COLGALT2: variants seen among roughly 807,000 people sequenced by gnomAD.
The protein encoded by COLGALT2 is collagen beta(1-O)galactosyltransferase 2, also known as procollagen galactosyltransferase 2.
In COLGALT2, 49 loss-of-function variants were observed where a neutral mutation model predicts 73.4. The ratio of observed to expected loss-of-function variants is 0.67; its 90% CI spans 0.53 to 0.85. COLGALT2 has a LOEUF of 0.85. Among genes scored for constraint, COLGALT2 ranks in the 40% least tolerant of loss-of-function variants. The pLI is 0.00. For synonymous variants in COLGALT2, 295 were observed against 307.6 expected (o/e 0.96, Z 0.43); for missense variants, 722 against 790.2 (o/e 0.91, Z 1.03).
At chr1:184,030,450 C>T (rs1649477260) in intron 1 of COLGALT2, among the ~76,000 whole-genome samples, 1 of 152,152 alleles carries the variant, frequency 6.6e-6, no homozygotes, top group Non-Finnish European at 1.5e-5. Flanking sequence ...AAGAAATATG[C>T]AGAAACAAGC....
In COLGALT2 at chr1:184,037,120, A is replaced by G; in HGVS notation, c.238T>C (p.Tyr80His). 1.3e-6 allele frequency: 2 copies of G among 1,595,560 alleles called. No individual in the cohort carries two copies. Among genetic ancestry groups the G allele is most frequent in the Non-Finnish European group, 1.7e-6 (2 of 1,173,234 alleles). The change falls in exon 1 of 12, where the codon TAC becomes CAC. Residue 80 changes from tyrosine to histidine, a missense_variant. Physicochemically the swap from Tyr to His is moderately conservative, Grantham distance 83. Coordinates refer to ENST00000361927, the MANE Select transcript of COLGALT2 (RefSeq NM_015101.4). ...HFLGCLERLD[Y>H]PKSRMAIWAA... ...CAGATGGCCATCCTGCTCTTGGGGT[A>G]GTCCAGCCGCTCCAGGCAGCCGAGG... is the stretch of plus-strand genomic sequence containing the variant.
intron 1 of COLGALT2, among the ~76,000 whole-genome samples, chr1:183,993,600 G>C (rs1334149141): frequency 6.6e-6 from 1 of 152,138 alleles, no homozygotes; most frequent in Non-Finnish European, 1.5e-5. Context: ...CCAAAGGGCA[G>C]CTCTGAACAC....
intron 1 of COLGALT2, among the ~76,000 whole-genome samples, chr1:184,020,989 A>G (rs1353933687): frequency 1.3e-5 from 2 of 152,072 alleles, no homozygotes; most frequent in Non-Finnish European, 2.9e-5. Context: ...AGCAATCCAT[A>G]GCAGAAACTG....
chr1:183,978,629 A>AG, intron 1 of COLGALT2, 109 bp from the exon 2 acceptor site: 1 of 598,604 alleles, frequency 1.7e-6, no homozygotes, highest in Non-Finnish European at 2.9e-6. Flanking sequence ...CCTGGAAAAA[A>AG]AATTGTATAT....
chr1:183,991,486 C>A (rs1184504280), intron 1 of COLGALT2, among the ~76,000 whole-genome samples: 5 of 152,206 alleles, frequency 3.3e-5, no homozygotes, highest in Non-Finnish European at 7.4e-5. Context: ...CAGAGTATCC[C>A]AGAATGACAA....
downstream of COLGALT2, among the ~76,000 whole-genome samples, chr1:183,933,235 C>T (rs919213413): frequency 1.3e-5 from 2 of 152,178 alleles, no homozygotes; most frequent in African/African-American, 4.8e-5. Context: ...TCACTGTCTC[C>T]AGCGATGGGC....
intron 1 of COLGALT2, among the ~76,000 whole-genome samples, chr1:184,017,859 C>T (rs1225702235): frequency 2.0e-5 from 3 of 152,110 alleles, no homozygotes; most frequent in Admixed American, 1.3e-4. Flanking sequence ...TCAGTTTCCC[C>T]TTAGTGAGAT....
intron 1 of COLGALT2, among the ~76,000 whole-genome samples, chr1:183,990,404 T>TA (rs1404139560): frequency 6.6e-6 from 1 of 152,224 alleles, no homozygotes; most frequent in Non-Finnish European, 1.5e-5. Context: ...TCTGTGCCGG[T>TA]GATCGTGGCA....
At chr1:183,989,009 C>A (rs1671562748) in intron 1 of COLGALT2, among the ~76,000 whole-genome samples, 1 of 152,174 alleles carries the variant, frequency 6.6e-6, no homozygotes, top group Non-Finnish European at 1.5e-5. Context: ...TTATTATCCC[C>A]ATTTTACAGA....
At chr1:183,982,774 C>A (rs1462378257) in intron 1 of COLGALT2, among the ~76,000 whole-genome samples, 3 of 152,138 alleles carry the variant, frequency 2.0e-5, no homozygotes, top group Non-Finnish European at 4.4e-5. Flanking sequence ...TGCACTCCAG[C>A]CTGGGCAACA....
At chr1:183,977,669 G>T (rs755290130) in intron 2 of COLGALT2, among the ~76,000 whole-genome samples, 7 of 151,788 alleles carry the variant, frequency 4.6e-5, no homozygotes, top group Non-Finnish European at 7.4e-5. Flanking sequence ...CATGGCTGTG[G>T]TCTTAGCTAC....
intron 1 of COLGALT2, among the ~76,000 whole-genome samples, chr1:184,008,512 T>C (rs970653423): frequency 6.6e-6 from 1 of 152,146 alleles, no homozygotes; most frequent in East Asian, 1.9e-4. Context: ...GGAGGATCAT[T>C]TGAGGCCAGA....
intron 10 of COLGALT2, among the ~76,000 whole-genome samples, chr1:183,943,589 A>G (rs1381806715): frequency 6.6e-6 from 1 of 152,082 alleles, no homozygotes; most frequent in Non-Finnish European, 1.5e-5. Flanking sequence ...TAGACAAAGA[A>G]CATTAACTAA....
chr1:184,029,601 A>C (rs2102861096), intron 1 of COLGALT2, among the ~76,000 whole-genome samples: 1 of 152,358 alleles, frequency 6.6e-6, no homozygotes, highest in South Asian at 2.1e-4. Context: ...AGGCCTGGCA[A>C]GGTCAGGTGC....
intron 1 of COLGALT2, among the ~76,000 whole-genome samples, chr1:184,022,462 G>A (rs866383130): frequency 5.9e-5 from 9 of 152,208 alleles, no homozygotes; most frequent in African/African-American, 2.2e-4. Context: ...CCAAACAAAC[G>A]ATGTTAGTAC....
chr1:183,961,289 G>T (rs939639953), intron 6 of COLGALT2, among the ~76,000 whole-genome samples: 5 of 152,224 alleles, frequency 3.3e-5, no homozygotes, highest in Non-Finnish European at 7.3e-5. Context: ...GCATGGTAGT[G>T]TGCATATTTG....
intron 1 of COLGALT2, among the ~76,000 whole-genome samples, chr1:184,026,340 G>T (rs953178312): frequency 6.6e-6 from 1 of 152,116 alleles, no homozygotes; most frequent in Non-Finnish European, 1.5e-5. Context: ...AAATAAAGTG[G>T]ATGCATAAAC....
intron 1 of COLGALT2, among the ~76,000 whole-genome samples, chr1:183,998,364 T>C (rs1671824451): frequency 6.6e-6 from 1 of 152,238 alleles, no homozygotes; most frequent in Non-Finnish European, 1.5e-5. Context: ...TTGATTTTTC[T>C]CTTTTATTCA....
At chr1:183,980,331 G>A (rs1312259290) in intron 1 of COLGALT2, among the ~76,000 whole-genome samples, 4 of 151,926 alleles carry the variant, frequency 2.6e-5, no homozygotes, top group Non-Finnish European at 5.9e-5. Context: ...AAGACAAGCT[G>A]TAGTTAACCT....
Sources: gnomAD v4.1 joint callset for allele counts (sites outside exome capture counted in the v4.1 genomes callset) on GRCh38, gnomAD v4.1.1 for gene constraint, MANE v1.5 for transcripts, NCBI Gene and HGNC (gene_info 2026-07-23, HGNC 2026-07-21) for gene names.